Variants in SLC1A6 observed in about 807,000 individuals in gnomAD.
SLC1A6 encodes solute carrier family 1 member 6.
Under a neutral mutation model 42.1 loss-of-function variants are expected in SLC1A6, and 15 were observed. That is an observed-to-expected ratio of 0.36 (90% CI 0.24 to 0.55). SLC1A6 has a LOEUF of 0.55. Among genes scored for constraint, SLC1A6 ranks in the 20% least tolerant of loss-of-function variants. SLC1A6 has a pLI of 0.88. For synonymous variants in SLC1A6, 317 were observed against 319.7 expected (o/e 0.99, Z 0.09); for missense variants, 542 against 772.5 (o/e 0.70, Z 3.54).
chr19:15,007,417 T>C (rs2045901026), intron 1 of SLC1A6, among the ~76,000 whole-genome samples: 1 of 152,082 alleles, frequency 6.6e-6, no homozygotes, highest in African/African-American at 2.4e-5. Flanking sequence ...CTCGTGGGGA[T>C]GAGGTTTTAT....
intron 1 of SLC1A6, chr19:14,975,018 T>A (rs1476375031): frequency 2.1e-5 from 3 of 145,592 alleles, no homozygotes; most frequent in Admixed American, 2.1e-4. Flanking sequence ...AAATTAAAAA[T>A]TAAAATGAAT....
In SLC1A6 at chr19:14,954,333, G is replaced by A. The variant is rs759013955; in HGVS notation, c.1170-4C>T. ...GGTGATGGGCAGCGTTGCCGAGCTGGGGGAAAGAGCCCAGGACTGAGGATG... is the reference window on the plus strand; with the variant it reads ...GGTGATGGGCAGCGTTGCCGAGCTGAGGGAAAGAGCCCAGGACTGAGGATG... On this transcript the variant is annotated splice_region_variant and splice_polypyrimidine_tract_variant and intron_variant, in intron 7 of 9. Coordinates refer to ENST00000594383, the MANE Select transcript of SLC1A6 (RefSeq NM_005071.3). 4 of 1,604,862 alleles carry A rather than the reference G, an allele frequency of 2.5e-6. No individual in the cohort carries two copies. The highest frequency in any genetic ancestry group is 2.2e-5 in the South Asian group (2 of 91,036).
At chr19:14,980,588 C>A (rs772374795), upstream of SLC1A6, among the ~76,000 whole-genome samples, 7 of 145,476 alleles carry the variant, frequency 4.8e-5, no homozygotes, top group African/African-American at 1.8e-4. Flanking sequence ...ACACAGGAGG[C>A]GGAGGTTGCA....
chr19:15,001,685 G>A (rs74841133), intron 1 of SLC1A6, among the ~76,000 whole-genome samples: 8,493 of 151,928 alleles, frequency 0.056, 408 homozygotes, highest in South Asian at 0.27. Context: ...TCTTGAGACA[G>A]GGTCTCACTC....
chr19:14,982,072 A>T (rs2045771126), upstream of SLC1A6, among the ~76,000 whole-genome samples: 1 of 151,240 alleles, frequency 6.6e-6, no homozygotes, highest in Non-Finnish European at 1.5e-5. Flanking sequence ...AAAAAAAATA[A>T]AATTTAAAAA....
Position 14,972,825 on chromosome 19 carries a change from C to A in SLC1A6, c.86G>T (p.Ser29Ile), listed in dbSNP as rs760861995. The change falls in exon 2 of 10, where the codon AGC becomes ATC. Residue 29 changes from serine (S) to isoleucine (I), a missense_variant. Ser to Ile is a moderately radical substitution (Grantham distance 142). This residue lies in a region of SLC1A6 where 88 missense variants were observed against 85.5 expected (regional missense o/e 1.03). Transcript: ENST00000594383. ...CGTGCGCAGTGCTCTCTGCTGCAGG[C>A]TTTCCTGCAGCCGCTGCAGCCAGCC... Reference protein sequence around the residue: ...RVGWLQRLQESLQQRALRTRL... With the variant: ...RVGWLQRLQEILQQRALRTRL... 5.5e-5 allele frequency: 88 copies of A among 1,608,690 alleles called. No homozygotes were observed. In the Middle Eastern group the frequency reaches 4.6e-3, roughly 85 times the overall value.
At chr19:15,007,478 A>T (rs1410114337) in intron 1 of SLC1A6, among the ~76,000 whole-genome samples, 1 of 152,186 alleles carries the variant, frequency 6.6e-6, no homozygotes, top group Non-Finnish European at 1.5e-5. Context: ...TGATTGCACC[A>T]CACTGTGAAG....
chr19:14,996,751 C>A, intron 1 of SLC1A6, among the ~76,000 whole-genome samples: 1 of 152,036 alleles, frequency 6.6e-6, no homozygotes, highest in Non-Finnish European at 1.5e-5. Context: ...AGAGCAGATG[C>A]TCAATAAACA....
intron 1 of SLC1A6, among the ~76,000 whole-genome samples, chr19:15,006,109 T>A (rs2045894718): frequency 6.6e-6 from 1 of 152,348 alleles, no homozygotes; most frequent in African/African-American, 2.4e-5. Flanking sequence ...TTCATTCTAT[T>A]AATAAAAGTC....
intron 3 of SLC1A6, 104 bp from the exon 4 acceptor site, chr19:14,968,611 C>A: frequency 1.0e-6 from 1 of 971,312 alleles, no homozygotes; most frequent in Non-Finnish European, 1.5e-6. Context: ...ACAGCCGACC[C>A]ACCAAGCATC....
Position 14,962,924 on chromosome 19 carries a change from C to T in SLC1A6, c.592-579G>A, listed in dbSNP as rs191373655. On this transcript the variant is annotated intron_variant, in intron 5 of 9. Coordinates refer to ENST00000594383, the MANE Select transcript of SLC1A6 (RefSeq NM_005071.3). ...CTCAAAAAAACAAAAAAAAATTGAA[C>T]TACCATAGGACCAGCAATCCCACTA... Among the ~76,000 whole-genome samples the T allele has an allele frequency of 2.5e-3, 381 of 152,112 alleles. 1 individual carries two copies. Among genetic ancestry groups the T allele is most frequent in the Non-Finnish European group, 4.6e-3 (313 of 67,968 alleles).
At chr19:14,976,941 T>C (rs1164055054) in intron 1 of SLC1A6, 2 of 151,452 alleles carry the variant, frequency 1.3e-5, no homozygotes, top group East Asian at 3.9e-4. Flanking sequence ...CTGCGTCCTC[T>C]AGAGCTAATC....
chr19:14,993,443 T>C (rs529591566), intron 1 of SLC1A6, among the ~76,000 whole-genome samples: 8 of 152,246 alleles, frequency 5.3e-5, no homozygotes, highest in Admixed American at 1.3e-4. Context: ...TTATGTTATG[T>C]GTATTTTATA....
chr19:14,971,835 G>A lies in SLC1A6; in HGVS notation c.245C>T (p.Thr82Ile). The change falls in exon 3 of 10, where the codon ACC (threonine) becomes ATC (isoleucine). Residue 82 changes from threonine to isoleucine, a missense_variant. Thr to Ile is a moderately conservative substitution (Grantham distance 89, BLOSUM62 -1). Transcript: ENST00000594383. ...LAFALRPYQL[T>I]YRQIKYFSFP... ...AGAGAAGTACTTGATCTGGCGGTAG[G>A]TGAGCTGATATGGGCGCAGGGCAAA... 6.2e-7 allele frequency: 1 copy of A among 1,614,192 alleles called. No homozygotes were observed. Among genetic ancestry groups the A allele is most frequent in the Non-Finnish European group, 8.5e-7 (1 of 1,180,018 alleles).
upstream of SLC1A6, among the ~76,000 whole-genome samples, chr19:14,981,320 G>T (rs1455824055): frequency 1.6e-4 from 24 of 151,524 alleles, no homozygotes; most frequent in South Asian, 4.8e-3. Context: ...GAAAAGAAAA[G>T]ATATCTGATG....
At position 14,973,481 on chromosome 19, in the gene SLC1A6, A is replaced by T. The variant is rs539022551; in HGVS notation, c.-7-564T>A. ...AAAATGGCAGGGGAGGGGGAAGGTA[A>T]GTCTGTTGCGATGTGCCCGGTTCTA... On this transcript the variant is annotated intron_variant, in intron 1 of 9. Coordinates refer to ENST00000594383, the MANE Select transcript of SLC1A6 (RefSeq NM_005071.3). The T allele has an allele frequency of 4.2e-3, 645 of 152,624 alleles. 4 individuals are homozygous for T. Among genetic ancestry groups the T allele is most frequent in the Non-Finnish European group, 6.3e-3 (431 of 68,102 alleles). The allele number at this position is 152,624 out of a possible 1,614,324, so 9.5% of individuals were successfully genotyped here.
rs368667175 is a variant in SLC1A6, at chr19:14,955,824, A to G, written c.1169+652T>C. Among the ~76,000 whole-genome samples the G allele has an allele frequency of 2.6e-4, 40 of 151,956 alleles. 1 individual carries two copies. The South Asian group carries it at 6.7e-3, about 25-fold the overall frequency. ...GTGGTGCATGCCTGTAGTCCCAGCTACTTGGGAGGCTGAGGCAGGAGAATC... is the reference window on the plus strand; with the variant it reads ...GTGGTGCATGCCTGTAGTCCCAGCTGCTTGGGAGGCTGAGGCAGGAGAATC... On this transcript the variant is annotated intron_variant, in intron 7 of 9. Coordinates refer to ENST00000594383, the MANE Select transcript of SLC1A6 (RefSeq NM_005071.3).
chr19:14,959,735 A>G (rs2045492751), intron 6 of SLC1A6, among the ~76,000 whole-genome samples: 1 of 152,074 alleles, frequency 6.6e-6, no homozygotes, highest in Admixed American at 6.6e-5. Flanking sequence ...CAAGCTTTGC[A>G]TGTTCTCTTC....
rs200345920 is a variant in SLC1A6, at chr19:15,000,627, T to A, written c.6+9858A>T. On this transcript the variant is annotated intron_variant, in intron 1 of 8. Coordinates refer to the SLC1A6 transcript ENST00000430939. ...TCCAACCGGATGGACTCAGGTTCAT[T>A]CCATATCTTGGCTACTGTGAACAGT... Among the ~76,000 whole-genome samples, 4 of 152,190 alleles carry A rather than the reference T, an allele frequency of 2.6e-5. No individual in the cohort carries two copies. In the East Asian group the frequency reaches 7.7e-4, roughly 29 times the overall value.
Sources: gnomAD v4.1 joint callset for allele counts (sites outside exome capture counted in the v4.1 genomes callset) on GRCh38, gnomAD v4.1.1 for gene constraint, gnomAD v4.1.1 regional missense constraint, MANE v1.5 for transcripts, NCBI Gene and HGNC (gene_info 2026-07-23, HGNC 2026-07-21) for gene names.